Variants in SLC22A6 observed in about 807,000 individuals in gnomAD.
SLC22A6 encodes PAH transporter.
SLC22A6 carries 45 observed loss-of-function variants against 56.7 expected under a neutral mutation model. That is an observed-to-expected ratio of 0.79 (90% CI 0.63 to 1.02). The LOEUF is 1.02. Ranked by LOEUF, SLC22A6 falls within the 50% of genes least tolerant of loss-of-function variation. The probability of loss-of-function intolerance (pLI) is 0.00; values close to 1 mark genes in which losing one functional copy is unlikely to be tolerated. For missense variants in SLC22A6, 606 were observed against 713.8 expected, an observed-to-expected ratio of 0.85 and a Z score of 1.72; for synonymous variants, 291 against 295.9, an observed-to-expected ratio of 0.98 and a Z score of 0.17.
At chr11:62,979,102 T>C (rs1029454814) in intron 8 of SLC22A6, among the ~76,000 whole-genome samples, 2 of 152,264 alleles carry the variant, frequency 1.3e-5, no homozygotes, top group African/African-American at 4.8e-5. Context: ...GCTTTCATGT[T>C]TGTGGCCTTT....
Position 62,981,343 on chromosome 11 carries a change from T to C in SLC22A6, c.838A>G (p.Arg280Gly). 6.8e-7 allele frequency: 1 copy of C among 1,459,932 alleles called. No homozygotes were observed. 90.4% of individuals were successfully genotyped at this position (1,459,932 alleles called of 1,614,324 possible). The change falls in exon 5 of 10, where the codon AGG becomes GGG. Residue 280 changes from arginine (R) to glycine (G), a missense_variant. Arg to Gly is a moderately radical substitution (Grantham distance 125, BLOSUM62 -2). Transcript: ENST00000360421. Reference protein sequence around the residue: ...ESARWHSSSGRLDLTLRALQR... With the variant: ...ESARWHSSSGGLDLTLRALQR... ...AGGGCCCTCAGGGTGAGGTCCAGCC[T>C]CCCGGAGGAGGAGTGCCAGCGGGCC...
Position 62,984,809 on chromosome 11 carries a change from G to T in SLC22A6, c.-119C>A. 1 of 1,165,328 alleles carries T rather than the reference G, an allele frequency of 8.6e-7. No homozygotes were observed. The highest frequency in any genetic ancestry group is 1.6e-5 in the South Asian group (1 of 63,296). 72.2% of individuals were successfully genotyped at this position (1,165,328 alleles called of 1,614,324 possible). Reference sequence around the variant, plus strand: ...AGCACTGCCGTTGCCTCCGCAGCTGGGTTGCTCCGGGAGCTGAGTCCGAGC... The same window carrying T: ...AGCACTGCCGTTGCCTCCGCAGCTGTGTTGCTCCGGGAGCTGAGTCCGAGC... On this transcript the variant is annotated 5_prime_UTR_variant, in exon 1 of 10. Transcript: ENST00000360421.
intron 6 of SLC22A6, 151 bp from the exon 7 acceptor site, chr11:62,980,099 A>G (rs774692875): frequency 3.1e-4 from 199 of 632,824 alleles, no homozygotes; most frequent in Non-Finnish European, 4.5e-4. Context: ...ATATCATTAA[A>G]CTGCAGAGTT....
In SLC22A6 at chr11:62,983,680, C is replaced by T. The variant is rs368584184; in HGVS notation, c.485G>A (p.Arg162Gln). 53 of 1,610,514 alleles carry T rather than the reference C, an allele frequency of 3.3e-5. No individual in the cohort carries two copies. The highest frequency in any genetic ancestry group is 1.7e-4 in the Middle Eastern group (1 of 6,006). Residue 162 changes from arginine (R) to glutamine (Q), a missense_variant, in exon 3 of 10, where the codon CGG becomes CAG. By Grantham distance (43) the Arg-to-Gln change is conservative. Coordinates refer to ENST00000360421, the MANE Select transcript of SLC22A6 (RefSeq NM_153276.3). This position sits in a 1 kb window ranked among gnomAD's most constrained non-coding sequence, Gnocchi z 4.5. ...FGYLADRLGR[R>Q]KVLILNYLQT... ...CAGGTAGTTCAAGATGAGTACCTTCCGGCGGCCTAGCCTGTGGGAGGAGGG... is the reference window on the plus strand; with the variant it reads ...CAGGTAGTTCAAGATGAGTACCTTCTGGCGGCCTAGCCTGTGGGAGGAGGG...
Position 62,977,205 on chromosome 11 carries a change from G to T in SLC22A6, c.1544C>A (p.Thr515Lys). 6.2e-7 allele frequency: 1 copy of T among 1,614,210 alleles called. No individual in the cohort carries two copies. Among genetic ancestry groups the T allele is most frequent in the South Asian group, 1.1e-5 (1 of 91,084 alleles). ...PETLGQPLPD[T>K]VQDLESRKGK... ...CCACCTGCTCTCCAGGTCCTGCACCGTGTCTGGCAGTGGCTGGCCCAGGGT... is the reference window on the plus strand; with the variant it reads ...CCACCTGCTCTCCAGGTCCTGCACCTTGTCTGGCAGTGGCTGGCCCAGGGT... The change falls in exon 9 of 10, where the codon ACG becomes AAG. Residue 515 changes from threonine to lysine, a missense_variant. Coordinates refer to ENST00000360421, the MANE Select transcript of SLC22A6 (RefSeq NM_153276.3).
Position 62,983,459 on chromosome 11 carries a change from G to T in SLC22A6, c.628+78C>A. 2 of 1,456,934 alleles carry T rather than the reference G, an allele frequency of 1.4e-6. No individual in the cohort carries two copies. Among genetic ancestry groups the T allele is most frequent in the Non-Finnish European group, 9.3e-7 (1 of 1,070,100 alleles). 90.3% of individuals were successfully genotyped at this position (1,456,934 alleles called of 1,614,324 possible). A position where few individuals can be genotyped will look rare whatever the true frequency, so the allele number is the denominator to read the frequency against. ...GGAGGGCAGGCAGGGCTCAGGAGGGGCAGGCTGGGAGGGGAGGCTGGAAAG... is the reference window on the plus strand; with the variant it reads ...GGAGGGCAGGCAGGGCTCAGGAGGGTCAGGCTGGGAGGGGAGGCTGGAAAG... On this transcript the variant is annotated intron_variant, in intron 3 of 9. Transcript: ENST00000360421. This position sits in a 1 kb window ranked among gnomAD's most constrained non-coding sequence, Gnocchi z 4.5.
intron 9 of SLC22A6, 53 bp from the exon 10 acceptor site, chr11:62,976,934 C>A: frequency 6.3e-7 from 1 of 1,599,986 alleles, no homozygotes; most frequent in South Asian, 1.1e-5. Flanking sequence ...CAGGCCAGGG[C>A]CGGGATATGG....
intron 3 of SLC22A6, 93 bp from the exon 4 acceptor site, chr11:62,982,103 G>T: frequency 7.8e-7 from 1 of 1,279,072 alleles, no homozygotes; most frequent in Non-Finnish European, 1.1e-6. Context: ...CCTGTCCCAA[G>T]GCTCAGTGGA....
Position 62,976,711 on chromosome 11 carries a change from C to T in SLC22A6, c.*83G>A. ...ACCCCCACACTTGGGTCACCATTTC[C>T]TCTTCCTCCTCCTTGTGTGGGTGGC... is the stretch of plus-strand genomic sequence containing the variant. On this transcript the variant is annotated 3_prime_UTR_variant, in exon 10 of 10. Transcript: ENST00000360421. 8.3e-7 allele frequency: 1 copy of T among 1,203,134 alleles called. No homozygotes were observed. The highest frequency in any genetic ancestry group is 1.2e-6 in the Non-Finnish European group (1 of 847,638). 74.5% of individuals were successfully genotyped at this position (1,203,134 alleles called of 1,614,324 possible). A position where few individuals can be genotyped will look rare whatever the true frequency, so the allele number is the denominator to read the frequency against.
chr11:62,980,822 T>TG (rs112666647), intron 6 of SLC22A6, among the ~76,000 whole-genome samples, 163 bp downstream of exon 6: 48 of 152,336 alleles, frequency 3.2e-4, no homozygotes, highest in African/African-American at 1.1e-3. Flanking sequence ...GAGTCAAGGC[T>TG]GGGGGCATCT....
intron 3 of SLC22A6, among the ~76,000 whole-genome samples, chr11:62,982,869 A>C (rs2086270859): frequency 6.6e-6 from 1 of 152,192 alleles, no homozygotes; most frequent in Admixed American, 6.5e-5. Context: ...CATTAATCAA[A>C]GAGGAGGGGG....
Position 62,984,849 on chromosome 11 carries a change from A to G in SLC22A6, c.-159T>C. 1 of 691,850 alleles carries G rather than the reference A, an allele frequency of 1.4e-6. No individual in the cohort carries two copies. The highest frequency in any genetic ancestry group is 2.4e-6 in the Non-Finnish European group (1 of 421,028). The allele number at this position is 691,850 out of a possible 1,614,324, so 42.9% of individuals were successfully genotyped here. ...TGAGTCCGAGCTGCTCTGTGGGGGG[A>G]CAGCAGCCTCCTTGGCTGCTCCTCC... On this transcript the variant is annotated 5_prime_UTR_variant, in exon 1 of 10. Coordinates refer to ENST00000360421, the MANE Select transcript of SLC22A6 (RefSeq NM_153276.3).
At chr11:62,982,255 A>T (rs540157804) in intron 3 of SLC22A6, among the ~76,000 whole-genome samples, 1 of 151,292 alleles carries the variant, frequency 6.6e-6, no homozygotes, top group Non-Finnish European at 1.5e-5. Context: ...CTCCTCCTCA[A>T]CCTATTCTCC....
intron 1 of SLC22A6, 59 bp from the exon 2 acceptor site, chr11:62,984,106 C>T (rs1489037212): frequency 1.1e-5 from 14 of 1,316,472 alleles, no homozygotes; most frequent in Non-Finnish European, 1.5e-5. Flanking sequence ...GAATCCCCTT[C>T]CCCCACTTCA....
In SLC22A6 at chr11:62,979,685, G is replaced by C. The variant is rs572804253; in HGVS notation, c.1252+49C>G. The C allele has an allele frequency of 6.3e-6, 10 of 1,599,018 alleles. No homozygotes were observed. The East Asian group carries it at 2.0e-4, about 32-fold the overall frequency. The stretch of plus-strand genomic sequence containing the variant: ...TCCCTTCTGAGATATTGGGTTATGT[G>C]TGGGGATGGGGCTGAGGAGAAGGGG... On this transcript the variant is annotated intron_variant, in intron 7 of 9. Transcript: ENST00000360421.
chr11:62,977,440 A>G (rs1193158762), intron 8 of SLC22A6, 53 bp from the exon 9 acceptor site: 3 of 1,547,806 alleles, frequency 1.9e-6, no homozygotes, highest in Admixed American at 1.9e-5. Flanking sequence ...ATGAATGCCC[A>G]GATGCTGGTC....
rs149065063 is a variant in SLC22A6 at position 62,977,285 on chromosome 11, G to A, written c.1464C>T (p.Phe488=). 1 of 1,614,018 alleles carries A rather than the reference G, an allele frequency of 6.2e-7. No individual in the cohort carries two copies. Among genetic ancestry groups the A allele is most frequent in the Non-Finnish European group, 8.5e-7 (1 of 1,180,054 alleles). The part of the protein sequence containing the change: ...TAELYPSMPL[F]IYGAVPVAAS... ...CGGCCACAGGAACAGCACCGTAGAT[G>A]AAGAGAGGCATGGAGGGGTAGAGCT... Residue 488 remains phenylalanine, a synonymous_variant, in exon 9 of 10, where the codon TTC becomes TTT. Transcript: ENST00000360421.
chr11:62,977,382 G>T lies in SLC22A6; in HGVS notation c.1367C>A (p.Thr456Lys), dbSNP rs777129743. Residue 456 changes from threonine (T) to lysine (K), a missense_variant, in exon 9 of 10, where the codon ACA becomes AAA. By Grantham distance (78) the Thr-to-Lys change is moderately conservative. Coordinates refer to ENST00000360421, the MANE Select transcript of SLC22A6 (RefSeq NM_153276.3). ...GELYPTMIRQTGMGMGSTMAR... is the reference protein window; with the variant it reads ...GELYPTMIRQKGMGMGSTMAR... ...CATGGTGCTGCCCATTCCCATGCCT[G>T]TCTGCCTGCAGGGCCCGCAGCAGAT... is the stretch of plus-strand genomic sequence containing the variant. 4.4e-6 allele frequency: 7 copies of T among 1,608,956 alleles called. No homozygotes were observed. The Admixed American group carries it at 1.2e-4, about 27-fold the overall frequency.
rs1054132242 is a variant in SLC22A6, at chr11:62,976,603, G to A, written c.*191C>T. The A allele has an allele frequency of 3.3e-5, 17 of 516,838 alleles. No individual in the cohort carries two copies. Among genetic ancestry groups the A allele is most frequent in the African/African-American group, 1.7e-4 (9 of 52,420 alleles). The allele number at this position is 516,838 out of a possible 1,614,324, so 32.0% of individuals were successfully genotyped here. ...CAAGAGAGACACAGAGAGATGGTGC[G>A]CAGTCAAACCTTTTAATGATGTGGT... On this transcript the variant is annotated 3_prime_UTR_variant, in exon 10 of 10. Transcript: ENST00000360421.
Sources: allele counts gnomAD v4.1 joint callset (sites outside exome capture counted in the v4.1 genomes callset), GRCh38; gene constraint gnomAD v4.1.1; non-coding constraint Gnocchi (gnomAD v3.1); transcripts MANE v1.5; gene names NCBI Gene and HGNC (gene_info 2026-07-23, HGNC 2026-07-21).